NRG3: variants seen among roughly 807,000 people sequenced by gnomAD.
NRG3 encodes the protein pro-neuregulin-3, membrane-bound isoform.
In NRG3, 31 loss-of-function variants were observed where a neutral mutation model predicts 66.9. The observed-to-expected ratio is 0.46, with a 90% CI of 0.35 to 0.63. The LOEUF (loss-of-function observed/expected upper bound fraction) is 0.63, where lower values mean the gene tolerates loss of function less well. Among genes scored for constraint, NRG3 ranks in the 20% least tolerant of loss-of-function variants. NRG3 has a pLI of 0.00. For synonymous variants in NRG3, 393 were observed against 359.4 expected (o/e 1.09, Z -1.06); for missense variants, 910 against 878.9 (o/e 1.04, Z -0.45).
At chr10:82,527,085 T>C (rs1376525493) in intron 2 of NRG3, among the ~76,000 whole-genome samples, 1 of 152,132 alleles carries the variant, frequency 6.6e-6, no homozygotes, top group East Asian at 1.9e-4. Flanking sequence ...GAATGTTTCA[T>C]ACCAAGACTA....
intron 1 of NRG3, among the ~76,000 whole-genome samples, chr10:82,017,827 T>C (rs939022539): frequency 6.6e-6 from 1 of 152,216 alleles, no homozygotes; most frequent in African/African-American, 2.4e-5. Flanking sequence ...TCTTTGTAGA[T>C]TCTGGATATT....
chr10:82,919,664 A>G (rs1846230904), intron 4 of NRG3, among the ~76,000 whole-genome samples: 1 of 152,194 alleles, frequency 6.6e-6, no homozygotes, highest in Non-Finnish European at 1.5e-5. Context: ...GTAGGAAAGG[A>G]AAGTCATCAA....
chr10:82,347,308 C>G (rs2083094630), intron 1 of NRG3, among the ~76,000 whole-genome samples: 1 of 151,136 alleles, frequency 6.6e-6, no homozygotes, highest in South Asian at 2.1e-4. Context: ...TTATTTCTGC[C>G]TTCATTTCGT....
At chr10:82,299,964 G>A (rs1487512487) in intron 1 of NRG3, among the ~76,000 whole-genome samples, 1 of 152,108 alleles carries the variant, frequency 6.6e-6, no homozygotes, top group Non-Finnish European at 1.5e-5. Context: ...AGTGTAAACT[G>A]TAAACCAGAT....
At chr10:81,932,936 A>G (rs1275879046) in intron 1 of NRG3, among the ~76,000 whole-genome samples, 3 of 151,878 alleles carry the variant, frequency 2.0e-5, no homozygotes, top group Non-Finnish European at 4.4e-5. Context: ...GTGAAACCCC[A>G]TCTCTACTAA....
At chr10:82,280,675 C>T (rs1316444832) in intron 1 of NRG3, among the ~76,000 whole-genome samples, 1 of 152,166 alleles carries the variant, frequency 6.6e-6, no homozygotes, top group African/African-American at 2.4e-5. Flanking sequence ...GGTCTGTCAT[C>T]TCCATTTAGA....
intron 2 of NRG3, 48 bp downstream of exon 2, chr10:82,358,916 G>T (rs779158215): frequency 3.1e-6 from 5 of 1,612,584 alleles, no homozygotes; most frequent in African/African-American, 2.7e-5. Flanking sequence ...GTTGCAAGGC[G>T]TGGGGGTGGA....
intron 3 of NRG3, among the ~76,000 whole-genome samples, chr10:82,803,982 C>T (rs183620312): frequency 6.6e-6 from 1 of 152,244 alleles, no homozygotes; most frequent in African/African-American, 2.4e-5. Context: ...GATGAAATTT[C>T]ACACCATTAT....
At chr10:82,490,507 C>CT (rs1302934758) in intron 2 of NRG3, among the ~76,000 whole-genome samples, 7 of 151,986 alleles carry the variant, frequency 4.6e-5, no homozygotes, top group Admixed American at 1.3e-4. Flanking sequence ...ACAGGAGCAT[C>CT]TTTTTTTTGA....
intron 3 of NRG3, among the ~76,000 whole-genome samples, chr10:82,845,361 C>T (rs1008826142): frequency 6.6e-6 from 1 of 152,180 alleles, no homozygotes; most frequent in Non-Finnish European, 1.5e-5. Flanking sequence ...GATGTTATCC[C>T]TACTCAATAA....
intron 2 of NRG3, among the ~76,000 whole-genome samples, chr10:82,454,205 G>GC (rs1554929672): frequency 6.6e-6 from 1 of 152,256 alleles, no homozygotes; most frequent in Admixed American, 6.5e-5. Flanking sequence ...AGCCACAACT[G>GC]CCCCACACCC....
chr10:82,148,951 G>A (rs534756761), intron 1 of NRG3, among the ~76,000 whole-genome samples: 1 of 152,138 alleles, frequency 6.6e-6, no homozygotes, highest in South Asian at 2.1e-4. Flanking sequence ...AACCACCACA[G>A]GTGGGGGTGA....
intron 2 of NRG3, among the ~76,000 whole-genome samples, chr10:82,527,714 C>T (rs1451077164): frequency 6.6e-6 from 1 of 152,032 alleles, no homozygotes; most frequent in African/African-American, 2.4e-5. Context: ...ATTATGCTAT[C>T]TCCTACTTTG....
intron 1 of NRG3, among the ~76,000 whole-genome samples, chr10:82,131,079 G>T (rs763064769): frequency 1.3e-5 from 2 of 152,054 alleles, no homozygotes; most frequent in Non-Finnish European, 2.9e-5. Flanking sequence ...TGCTTTGGTT[G>T]CCTGTGCTTG....
At chr10:82,785,547 G>C (rs923163584) in intron 3 of NRG3, among the ~76,000 whole-genome samples, 2 of 152,042 alleles carry the variant, frequency 1.3e-5, no homozygotes, top group African/African-American at 4.8e-5. Flanking sequence ...TTGAAAAATG[G>C]AGTAAATACC....
At chr10:82,413,793 T>C (rs887337676) in intron 2 of NRG3, among the ~76,000 whole-genome samples, 3 of 152,182 alleles carry the variant, frequency 2.0e-5, no homozygotes, top group Non-Finnish European at 2.9e-5. Flanking sequence ...TTTATGGAGA[T>C]GGCTTCTTTC....
chr10:82,124,971 T>G (rs903839124), intron 1 of NRG3, among the ~76,000 whole-genome samples: 1 of 151,984 alleles, frequency 6.6e-6, no homozygotes, highest in African/African-American at 2.4e-5. Flanking sequence ...ATGCAATATT[T>G]TTCTTGTCAA....
intron 2 of NRG3, among the ~76,000 whole-genome samples, chr10:82,635,972 G>A (rs917578701): frequency 2.6e-5 from 4 of 152,132 alleles, no homozygotes; most frequent in Admixed American, 6.6e-5. Flanking sequence ...GAGTGGCTTC[G>A]TGCGTAGTGT....
chr10:82,909,424 ACTTTTACAC>A (rs1392041577), intron 4 of NRG3, among the ~76,000 whole-genome samples: 1 of 152,126 alleles, frequency 6.6e-6, no homozygotes, highest in Non-Finnish European at 1.5e-5. Context: ...ACAACTGGAA[ACTTTTACAC>A]CCGACCTCAT....
Sources: gnomAD v4.1 joint callset for allele counts (sites outside exome capture counted in the v4.1 genomes callset) on GRCh38, gnomAD v4.1.1 for gene constraint, MANE v1.5 for transcripts, NCBI Gene and HGNC (gene_info 2026-07-23, HGNC 2026-07-21) for gene names.